SEMA3E: variants seen among roughly 807,000 people sequenced by gnomAD.
SEMA3E encodes the protein semaphorin-3E.
In SEMA3E, 49 loss-of-function variants were observed where a neutral mutation model predicts 93.6. The observed-to-expected ratio is 0.52, with a 90% confidence interval of 0.42 to 0.66. The LOEUF is 0.66. Ranked by LOEUF, SEMA3E falls within the 30% of genes least tolerant of loss-of-function variation. The pLI is 0.00. For synonymous variants in SEMA3E, 363 were observed against 330.7 expected, an observed-to-expected ratio of 1.10 and a Z score of -1.06; for missense variants, 906 against 964.8, an observed-to-expected ratio of 0.94 and a Z score of 0.81.
intron 2 of SEMA3E, among the ~76,000 whole-genome samples, chr7:83,484,938 C>T (rs983457770): frequency 6.6e-6 from 1 of 152,206 alleles, no homozygotes; most frequent in Middle Eastern, 3.4e-3. Flanking sequence ...AGCAGAACAA[C>T]AGAGTAAGTG....
intron 1 of SEMA3E, among the ~76,000 whole-genome samples, chr7:83,491,772 T>G (rs1438471413): frequency 6.6e-6 from 1 of 151,988 alleles, no homozygotes; most frequent in Non-Finnish European, 1.5e-5. Flanking sequence ...TATTCCCTAA[T>G]ATTCCTTCTT....
chr7:83,645,299 T>G (rs2115724035), intron 1 of SEMA3E, among the ~76,000 whole-genome samples: 1 of 152,112 alleles, frequency 6.6e-6, no homozygotes. Flanking sequence ...TTTGCATTAA[T>G]CTCACCAATA....
chr7:83,571,400 G>A (rs998339334), intron 1 of SEMA3E, among the ~76,000 whole-genome samples: 2 of 152,122 alleles, frequency 1.3e-5, no homozygotes, highest in Non-Finnish European at 2.9e-5. Context: ...TTATTCCTGG[G>A]ATACAAGTTT....
rs1234605933 is a variant in SEMA3E at position 83,466,753 on chromosome 7, A to G, written c.337-152T>C. On this transcript the variant is annotated intron_variant, in intron 3 of 16. Transcript: ENST00000643230. ...CAAGAGGGGTAGAAGAAAAGAGGACAAGAACTTGGAGAAGAAACTGGGGTG... is the reference window on the plus strand; with the variant it reads ...CAAGAGGGGTAGAAGAAAAGAGGACGAGAACTTGGAGAAGAAACTGGGGTG... 4.4e-6 allele frequency: 4 copies of G among 910,304 alleles called. No homozygotes were observed. The African/African-American group carries it at 4.9e-5, about 11-fold the overall frequency. The allele number at this position is 910,304 out of a possible 1,614,324, so 56.4% of individuals were successfully genotyped here.
rs566425686 is a variant in SEMA3E at position 83,640,013 on chromosome 7, T to C, written c.115+8415A>G. ...AAACAGCTATACACAATGCTGAGAG[T>C]ACATTTCCTATTTGACTTTACTTCC... On this transcript the variant is annotated intron_variant, in intron 1 of 16. Coordinates refer to ENST00000643230, the MANE Select transcript of SEMA3E (RefSeq NM_012431.3). Among the ~76,000 whole-genome samples, 111 of 152,078 alleles carry C rather than the reference T, an allele frequency of 7.3e-4. 1 individual carries two copies. Among genetic ancestry groups the C allele is most frequent in the Non-Finnish European group, 1.0e-3 (71 of 67,988 alleles).
intron 16 of SEMA3E, among the ~76,000 whole-genome samples, chr7:83,384,563 A>C (rs964511246): frequency 1.1e-4 from 17 of 151,968 alleles, no homozygotes; most frequent in African/African-American, 3.4e-4. Flanking sequence ...CTACATCACC[A>C]TGATCTGCCT....
intron 1 of SEMA3E, among the ~76,000 whole-genome samples, chr7:83,643,167 C>T (rs1794036571): frequency 2.0e-5 from 3 of 152,010 alleles, no homozygotes; most frequent in African/African-American, 7.2e-5. Context: ...ACCAAGTGAT[C>T]TCATCCCAAA....
chr7:83,527,478 T>G (rs12707589), intron 1 of SEMA3E, among the ~76,000 whole-genome samples: 80,150 of 151,920 alleles, frequency 0.53, 23,489 homozygotes, highest in Middle Eastern at 0.69. Flanking sequence ...TCCTATGGAG[T>G]ATATGACAGT....
chr7:83,370,028 T>C (rs907299652), intron 16 of SEMA3E, among the ~76,000 whole-genome samples: 11 of 152,298 alleles, frequency 7.2e-5, no homozygotes, highest in Admixed American at 6.5e-4. Flanking sequence ...CTTATTTTCC[T>C]TACTCTTTCT....
In SEMA3E at chr7:83,363,859, C is replaced by CTT. The variant is rs1562743425; in HGVS notation, c.*3726_*3727insAA. The CTT allele has an allele frequency of 7.0e-5, 7 of 100,566 alleles. No homozygotes were observed. Among genetic ancestry groups the CTT allele is most frequent in the African/African-American group, 2.3e-4 (5 of 21,452 alleles). 6.2% of individuals were successfully genotyped at this position (100,566 alleles called of 1,614,324 possible). On this transcript the variant is annotated 3_prime_UTR_variant, in exon 17 of 17. Coordinates refer to ENST00000643230, the MANE Select transcript of SEMA3E (RefSeq NM_012431.3). The stretch of plus-strand genomic sequence containing the variant: ...AGGCTACAGGTGTCACAGGTCAATT[C>CTT]ATTTTTTTTTTTTTTTTTTTTTTTT...
intron 1 of SEMA3E, among the ~76,000 whole-genome samples, chr7:83,588,219 T>A (rs1792672215): frequency 6.6e-6 from 1 of 151,806 alleles, no homozygotes; most frequent in Admixed American, 6.6e-5. Flanking sequence ...CTGTCTGCAC[T>A]AAAAATACAA....
At chr7:83,598,888 C>T (rs1792928827) in intron 1 of SEMA3E, among the ~76,000 whole-genome samples, 1 of 151,970 alleles carries the variant, frequency 6.6e-6, no homozygotes, top group Admixed American at 6.6e-5. Context: ...ATCTTTATAC[C>T]TCTTTGACAT....
chr7:83,474,134 C>CTTTTT (rs1789961888), intron 2 of SEMA3E, among the ~76,000 whole-genome samples: 1 of 147,008 alleles, frequency 6.8e-6, no homozygotes, highest in Admixed American at 6.8e-5. Context: ...AAGACGTATG[C>CTTTTT]TTTTTCTTTT....
At chr7:83,491,068 C>T (rs1790373007) in intron 1 of SEMA3E, among the ~76,000 whole-genome samples, 1 of 152,064 alleles carries the variant, frequency 6.6e-6, no homozygotes, top group Admixed American at 6.6e-5. Context: ...TGAAGAGGCC[C>T]TTTGGCAAAT....
Position 83,418,522 on chromosome 7 carries a change from C to T in SEMA3E, c.457-39G>A, listed in dbSNP as rs755755358. The T allele has an allele frequency of 4.0e-5, 53 of 1,322,284 alleles. 2 individuals are homozygous for T. In the South Asian group the frequency reaches 6.1e-4, roughly 15 times the overall value. The allele number at this position is 1,322,284 out of a possible 1,614,324, so 81.9% of individuals were successfully genotyped here. A position where few individuals can be genotyped will look rare whatever the true frequency, so the allele number is the denominator to read the frequency against. ...CAGAAAAATCATTATGAATATGCCT[C>T]CTCTAATAATCATTTAATTCCTTAG... On this transcript the variant is annotated intron_variant, in intron 4 of 16. Coordinates refer to ENST00000643230, the MANE Select transcript of SEMA3E (RefSeq NM_012431.3).
chr7:83,490,339 T>A (rs976457743), intron 1 of SEMA3E, 65 bp from the exon 2 acceptor site: 1 of 1,518,680 alleles, frequency 6.6e-7, no homozygotes, highest in African/African-American at 1.4e-5. Flanking sequence ...ATCACCCTTT[T>A]CTCATAGCTC....
chr7:83,579,000 C>T (rs991237244), intron 1 of SEMA3E, among the ~76,000 whole-genome samples: 4 of 151,782 alleles, frequency 2.6e-5, no homozygotes, highest in African/African-American at 7.3e-5. Context: ...TAATAACTAT[C>T]GATATTATAG....
At chr7:83,484,346 C>T (rs777050997) in intron 2 of SEMA3E, among the ~76,000 whole-genome samples, 17 of 152,320 alleles carry the variant, frequency 1.1e-4, no homozygotes, top group Non-Finnish European at 2.1e-4. Flanking sequence ...TCCTCCTTGT[C>T]ATCTACCATC....
intron 1 of SEMA3E, among the ~76,000 whole-genome samples, chr7:83,628,398 C>G (rs1019953576): frequency 2.0e-5 from 3 of 152,098 alleles, no homozygotes; most frequent in African/African-American, 4.8e-5. Flanking sequence ...AACTTGGTTG[C>G]ATTCTCCCCA....
Sources: gnomAD v4.1 joint callset for allele counts (sites outside exome capture counted in the v4.1 genomes callset) on GRCh38, gnomAD v4.1.1 for gene constraint, MANE v1.5 for transcripts, NCBI Gene and HGNC (gene_info 2026-07-23, HGNC 2026-07-21) for gene names.